Variants in ELP4 observed in about 807,000 individuals in gnomAD.
ELP4 encodes elongator complex protein 4.
ELP4 carries 51 observed loss-of-function variants against 48.9 expected under a neutral mutation model. That is an observed-to-expected ratio of 1.04 (90% CI 0.83 to 1.32). The LOEUF (loss-of-function observed/expected upper bound fraction) is 1.32. ELP4 is among the 40% of genes most tolerant of loss of function. The pLI, the probability that ELP4 is intolerant of heterozygous loss-of-function variation, is 0.00. For synonymous variants in ELP4, 210 were observed against 189.2 expected, an observed-to-expected ratio of 1.11 and a Z score of -0.90; for missense variants, 519 against 514.6, an observed-to-expected ratio of 1.01 and a Z score of -0.08.
intron 9 of ELP4, among the ~76,000 whole-genome samples, chr11:31,707,945 T>A (rs1168523965): frequency 1.3e-5 from 2 of 152,168 alleles, no homozygotes; most frequent in Non-Finnish European, 2.9e-5. Flanking sequence ...GGATCCCTAA[T>A]CACATATGAA....
At chr11:31,650,309 TA>T in intron 9 of ELP4, 88 bp downstream of exon 9, 1 of 488,108 alleles carries the variant, frequency 2.0e-6, no homozygotes, top group Non-Finnish European at 3.7e-6. Flanking sequence ...CATTTTCACT[TA>T]TTTTTACTTT....
chr11:31,621,051 C>T (rs1470173273), intron 5 of ELP4, among the ~76,000 whole-genome samples: 1 of 151,870 alleles, frequency 6.6e-6, no homozygotes, highest in Non-Finnish European at 1.5e-5. Flanking sequence ...ATAAACTTCA[C>T]GGTCTCTATA....
At chr11:31,731,598 G>GTGTGTA (rs1947188191) in intron 9 of ELP4, among the ~76,000 whole-genome samples, 1 of 151,482 alleles carries the variant, frequency 6.6e-6, no homozygotes, top group African/African-American at 2.4e-5. Flanking sequence ...GTGTGTGTGT[G>GTGTGTA]TGTAGTCTGT....
intron 4 of ELP4, among the ~76,000 whole-genome samples, chr11:31,597,319 A>T (rs1244746556): frequency 6.6e-6 from 1 of 152,184 alleles, no homozygotes; most frequent in East Asian, 1.9e-4. Flanking sequence ...AAATAGAAGG[A>T]AGCTCTGTGT....
intron 3 of ELP4, among the ~76,000 whole-genome samples, chr11:31,548,808 A>G (rs1336786444): frequency 2.0e-5 from 3 of 152,236 alleles, no homozygotes; most frequent in Non-Finnish European, 2.9e-5. Flanking sequence ...ATGGAACAGA[A>G]CAGAGCCCTC....
intron 9 of ELP4, among the ~76,000 whole-genome samples, chr11:31,740,005 G>C (rs369407438): frequency 6.6e-6 from 1 of 152,208 alleles, no homozygotes; most frequent in African/African-American, 2.4e-5. Flanking sequence ...TTGCTCTGAA[G>C]CTTTAAATCA....
At chr11:31,727,305 A>AT (rs1947095908) in intron 9 of ELP4, among the ~76,000 whole-genome samples, 1 of 152,100 alleles carries the variant, frequency 6.6e-6, no homozygotes, top group South Asian at 2.1e-4. Context: ...GATATTAATT[A>AT]TTTTTTATAC....
chr11:31,772,121 T>TTC (rs1948158600), intron 9 of ELP4, among the ~76,000 whole-genome samples: 2 of 17,606 alleles, frequency 1.1e-4, no homozygotes, highest in African/African-American at 6.9e-4. Flanking sequence ...TATTTTCTTC[T>TTC]TTTTTTTTTT....
chr11:31,763,366 A>G (rs1329352374), intron 9 of ELP4: 6 of 1,539,522 alleles, frequency 3.9e-6, no homozygotes, highest in South Asian at 1.2e-5. Flanking sequence ...CATCCCTTCA[A>G]AATTACTGTT....
intron 2 of ELP4, among the ~76,000 whole-genome samples, chr11:31,536,670 T>C (rs1263855741): frequency 6.6e-6 from 1 of 152,214 alleles, no homozygotes; most frequent in Admixed American, 6.5e-5. Flanking sequence ...TGTTTTCTAA[T>C]GTAGTTATAG....
rs1948485960 is a variant in ELP4 at position 31,784,883 on chromosome 11, T to TA, written c.*1360dup. 5.6e-6 allele frequency: 1 copy of TA among 179,036 alleles called. No individual in the cohort carries two copies. Among genetic ancestry groups the TA allele is most frequent in the South Asian group, 2.0e-4 (1 of 5,050 alleles). The allele number at this position is 179,036 out of a possible 1,614,324, so 11.1% of individuals were successfully genotyped here. Reference sequence around the variant, plus strand: ...AAATCTCTCCATCATATCCTGTCACTACCAGTTTATTTTTTGTGATCAAAA... The same window carrying TA: ...AAATCTCTCCATCATATCCTGTCACTAACCAGTTTATTTTTTGTGATCAAAA... On this transcript the variant is annotated 3_prime_UTR_variant, in exon 10 of 10. Transcript: ENST00000640961.
chr11:31,745,909 A>G (rs935760534), intron 9 of ELP4, among the ~76,000 whole-genome samples: 3 of 152,328 alleles, frequency 2.0e-5, no homozygotes, highest in Non-Finnish European at 2.9e-5. Flanking sequence ...ATTAAACTAA[A>G]GAACTTCTGC....
chr11:31,563,116 T>A, intron 3 of ELP4, among the ~76,000 whole-genome samples: 1 of 152,194 alleles, frequency 6.6e-6, no homozygotes, highest in Non-Finnish European at 1.5e-5. Context: ...TAGTATTAAT[T>A]ATACAGTTAC....
At chr11:31,529,674 T>C (rs1333884687) in intron 2 of ELP4, among the ~76,000 whole-genome samples, 3 of 152,194 alleles carry the variant, frequency 2.0e-5, no homozygotes, top group African/African-American at 4.8e-5. Flanking sequence ...TTAAGACTAT[T>C]ACCTGTTTCT....
At chr11:31,617,940 T>C (rs1168453338) in intron 5 of ELP4, among the ~76,000 whole-genome samples, 1 of 152,078 alleles carries the variant, frequency 6.6e-6, no homozygotes, top group African/African-American at 2.4e-5. Context: ...AGTTACCATT[T>C]GACCCAGAAA....
chr11:31,573,040 C>A (rs1592128706), intron 3 of ELP4, among the ~76,000 whole-genome samples: 1 of 152,016 alleles, frequency 6.6e-6, no homozygotes, highest in East Asian at 1.9e-4. Flanking sequence ...GAGAAGGGGG[C>A]AGGAGGAGGA....
intron 9 of ELP4, among the ~76,000 whole-genome samples, chr11:31,729,394 A>C (rs1947137864): frequency 2.0e-5 from 3 of 152,218 alleles, no homozygotes; most frequent in Admixed American, 2.0e-4. Context: ...TGATACAAAA[A>C]TAAAATGAAA....
chr11:31,579,356 C>G (rs1286624282), intron 3 of ELP4, among the ~76,000 whole-genome samples: 1 of 152,136 alleles, frequency 6.6e-6, no homozygotes, highest in Non-Finnish European at 1.5e-5. Flanking sequence ...ACTAGTTCAA[C>G]CATTGTGGAA....
At chr11:31,645,834 A>T (rs1945186419) in intron 7 of ELP4, 1 of 151,366 alleles carries the variant, frequency 6.6e-6, no homozygotes, top group East Asian at 2.0e-4. Flanking sequence ...GTTATTCTTC[A>T]TCTCCCACTT....
Sources: gnomAD v4.1 joint callset for allele counts (sites outside exome capture counted in the v4.1 genomes callset) on GRCh38, gnomAD v4.1.1 for gene constraint, MANE v1.5 for transcripts, NCBI Gene and HGNC (gene_info 2026-07-23, HGNC 2026-07-21) for gene names.